The following RPL3 variants were observed in gnomAD, a reference collection of about 807,000 sequenced individuals.
RPL3 encodes the protein large ribosomal subunit protein uL3.
A neutral mutation model predicts 46.0 loss-of-function variants in RPL3; 3 were observed. That is an observed-to-expected ratio of 0.07 (90% CI 0.03 to 0.17). RPL3 has a LOEUF of 0.17. RPL3 is among the 10% of genes least tolerant of loss of function. The pLI, the probability that RPL3 is intolerant of heterozygous loss-of-function variation, is 1.00. For missense variants in RPL3, 387 were observed against 532.7 expected (o/e 0.73, Z 2.69); for synonymous variants, 224 against 190.8 (o/e 1.17, Z -1.43).
rs753808867 is a variant in RPL3, at chr22:39,318,410, C to T, written c.186G>A (p.Arg62=). 2 of 1,613,924 alleles carry T rather than the reference C, an allele frequency of 1.2e-6. No homozygotes were observed. Among genetic ancestry groups the T allele is most frequent in the South Asian group, 2.2e-5 (2 of 91,078 alleles). The part of the protein sequence containing the change: ...GMTHIVREVD[R]PGSKVNKKEV... ...GATGTCTGTACATACTGGATCCCGG[C>T]CTGTCGACTTCCCGCACGATGTGAG... Residue 62 remains arginine (R), a synonymous_variant, in exon 2 of 10, where the codon AGG becomes AGA. Transcript: ENST00000216146.
At chr22:39,315,234 G>A (rs1352469572) in intron 5 of RPL3, 135 bp downstream of exon 5, 3 of 1,249,886 alleles carry the variant, frequency 2.4e-6, no homozygotes, top group Non-Finnish European at 3.5e-6. Context: ...AAGGAAGGCA[G>A]TAGAGAATGG....
Position 39,314,975 on chromosome 22 carries a change from C to G in RPL3, c.689-129G>C. 3 of 1,290,180 alleles carry G rather than the reference C, an allele frequency of 2.3e-6. No individual in the cohort carries two copies. The East Asian group carries it at 7.2e-5, about 31-fold the overall frequency. The allele number at this position is 1,290,180 out of a possible 1,614,324, so 79.9% of individuals were successfully genotyped here. A position where few individuals can be genotyped will look rare whatever the true frequency, so the allele number is the denominator to read the frequency against. ...GATAAGATTATTTCATGTGCATTACCCACAGGTCTCCCCTGTCAAGCTGGA... is the reference window on the plus strand; with the variant it reads ...GATAAGATTATTTCATGTGCATTACGCACAGGTCTCCCCTGTCAAGCTGGA... On this transcript the variant is annotated intron_variant, in intron 5 of 9. Transcript: ENST00000216146.
In RPL3 at chr22:39,314,849, G is replaced by C. The variant is rs562905187; in HGVS notation, c.689-3C>G. The stretch of plus-strand genomic sequence containing the variant: ...GGTGTGCCAACGACTGGTGACCCCT[G>C]GAATGGATACACATTACTTCACCTC... On this transcript the variant is annotated splice_region_variant and splice_polypyrimidine_tract_variant and intron_variant, in intron 5 of 9. Coordinates refer to ENST00000216146, the MANE Select transcript of RPL3 (RefSeq NM_000967.4). 2 of 1,612,588 alleles carry C rather than the reference G, an allele frequency of 1.2e-6. No individual in the cohort carries two copies. Among genetic ancestry groups the C allele is most frequent in the Non-Finnish European group, 1.7e-6 (2 of 1,179,166 alleles).
intron 7 of RPL3, 72 bp from the exon 8 acceptor site, chr22:39,313,801 GC>G (rs750158493): frequency 3.7e-5 from 51 of 1,365,520 alleles, no homozygotes; most frequent in Admixed American, 5.0e-5. Context: ...CCAGGTTCAG[GC>G]CCTCCCTGAC....
Position 39,316,571 on chromosome 22 carries a change from G to C in RPL3, c.501+135C>G. ...AAAGGGGAATGGTTCCCTTGCTAAG[G>C]GCCAGTAAGGACACAGTGCCCTCTG... On this transcript the variant is annotated intron_variant, in intron 4 of 9. Transcript: ENST00000216146. 4 of 1,096,048 alleles carry C rather than the reference G, an allele frequency of 3.6e-6. No individual in the cohort carries two copies. In the Admixed American group the frequency reaches 8.5e-5, roughly 23 times the overall value. 67.9% of individuals were successfully genotyped at this position (1,096,048 alleles called of 1,614,324 possible).
intron 3 of RPL3, 87 bp from the exon 4 acceptor site, chr22:39,316,928 C>G (rs777731289): frequency 6.5e-5 from 104 of 1,601,394 alleles, no homozygotes; most frequent in Non-Finnish European, 8.6e-5. Flanking sequence ...ACACTGGCAC[C>G]GCGTGGGGAT....
intron 2 of RPL3, 147 bp from the exon 3 acceptor site, chr22:39,317,776 CCTAT>C: frequency 2.5e-6 from 2 of 792,196 alleles, no homozygotes; most frequent in East Asian, 2.6e-5. Flanking sequence ...GTCCTTACTG[CCTAT>C]CTCTCATTCA....
At chr22:39,313,789 C>T (rs1922506000) in intron 7 of RPL3, 60 bp from the exon 8 acceptor site, 2 of 1,499,296 alleles carry the variant, frequency 1.3e-6, no homozygotes, top group Non-Finnish European at 1.9e-6. Flanking sequence ...CAGATGACCC[C>T]TCCAGGTTCA....
At chr22:39,313,388 T>C (rs765611315) in intron 8 of RPL3, 78 bp from the exon 9 acceptor site, 2 of 1,583,242 alleles carry the variant, frequency 1.3e-6, no homozygotes, top group Middle Eastern at 1.7e-4. Context: ...CGCCCCTGCA[T>C]CTGGGAAGCC....
intron 4 of RPL3, among the ~76,000 whole-genome samples, chr22:39,315,981 T>G (rs566301117): frequency 6.6e-6 from 1 of 152,290 alleles, no homozygotes; most frequent in Non-Finnish European, 1.5e-5. Context: ...GGCTCACACC[T>G]GTAATCCCAG....
chr22:39,313,661 G>C lies in RPL3; in HGVS notation c.1020C>G (p.Thr340=). The C allele has an allele frequency of 6.2e-7, 1 of 1,614,024 alleles. No individual in the cohort carries two copies. Among genetic ancestry groups the C allele is most frequent in the South Asian group, 1.1e-5 (1 of 91,086 alleles). Residue 340 remains threonine (T), a synonymous_variant, in exon 8 of 10, where the codon ACC becomes ACG. Transcript: ENST00000216146. ...FVMLKGCVVG[T]KKRVLTLRKS... ...TGCGGAGGGTGAGCACCCGCTTCTTGGTTCCCACCACACAGCCTTTCAGCA... is the reference window on the plus strand; with the variant it reads ...TGCGGAGGGTGAGCACCCGCTTCTTCGTTCCCACCACACAGCCTTTCAGCA...
At position 39,314,677 on chromosome 22, in the gene RPL3, G is replaced by C. The variant is rs1439873745; in HGVS notation, c.849+9C>G. 4 of 1,610,046 alleles carry C rather than the reference G, an allele frequency of 2.5e-6. No homozygotes were observed. The highest frequency in any genetic ancestry group is 2.5e-6 in the Non-Finnish European group (3 of 1,178,274). ...TCCCACCCCCAGGGAGCCACTCTCA[G>C]AACCTCACCTTCTTGTTGATCTCAG... On this transcript the variant is annotated intron_variant, in intron 6 of 9. Coordinates refer to ENST00000216146, the MANE Select transcript of RPL3 (RefSeq NM_000967.4).
At chr22:39,314,556 GAAGC>G (rs1339224548) in intron 6 of RPL3, 126 bp downstream of exon 6, 2 of 1,137,992 alleles carry the variant, frequency 1.8e-6, no homozygotes, top group Admixed American at 2.4e-5. Context: ...CTGACCATGA[GAAGC>G]AAGCCACTGA....
At chr22:39,316,279 C>G (rs1922685332) in intron 4 of RPL3, among the ~76,000 whole-genome samples, 1 of 151,964 alleles carries the variant, frequency 6.6e-6, no homozygotes, top group Admixed American at 6.6e-5. Context: ...AGCTTTCACT[C>G]AAGGACAGCC....
intron 4 of RPL3, among the ~76,000 whole-genome samples, chr22:39,316,496 A>T (rs1922698301): frequency 1.3e-5 from 2 of 152,150 alleles, no homozygotes; most frequent in Non-Finnish European, 2.9e-5. Context: ...CTCACAACCG[A>T]CTTTCAGGCA....
chr22:39,319,006 C>T (rs1569162704), intron 1 of RPL3: 1 of 538,992 alleles, frequency 1.9e-6, no homozygotes, highest in Non-Finnish European at 3.8e-6. Flanking sequence ...GGTGCCCGGA[C>T]ACTAATTACA....
rs1922479891 is a variant in RPL3 at position 39,313,420 on chromosome 22, CCA to C, written c.1048-112_1048-111del. The C allele has an allele frequency of 4.1e-5, 62 of 1,522,014 alleles. 1 individual carries two copies. In the South Asian group the frequency reaches 7.5e-4, roughly 18 times the overall value. The allele number at this position is 1,522,014 out of a possible 1,614,324, so 94.3% of individuals were successfully genotyped here. A position where few individuals can be genotyped will look rare whatever the true frequency, so the allele number is the denominator to read the frequency against. On this transcript the variant is annotated intron_variant, in intron 8 of 9. Transcript: ENST00000216146. ...AGCCACACGATCAATTCAGCCTCCC[CCA>C]CCATCCGGCAGATGAGGACACACTC...
At chr22:39,315,912 C>CAAGCCTGCG (rs1347039868) in intron 4 of RPL3, among the ~76,000 whole-genome samples, 1 of 152,168 alleles carries the variant, frequency 6.6e-6, no homozygotes, top group African/African-American at 2.4e-5. Context: ...GCCCTAGTGA[C>CAAGCCTGCG]AAGCCTGCTT....
At chr22:39,314,982 T>G in intron 5 of RPL3, 136 bp from the exon 6 acceptor site, 1 of 1,254,944 alleles carries the variant, frequency 8.0e-7, no homozygotes, top group Non-Finnish European at 1.1e-6. Context: ...TACCCACAGG[T>G]CTCCCCTGTC....
Sources: allele counts gnomAD v4.1 joint callset (sites outside exome capture counted in the v4.1 genomes callset), GRCh38; gene constraint gnomAD v4.1.1; transcripts MANE v1.5; gene names NCBI Gene and HGNC (gene_info 2026-07-23, HGNC 2026-07-21).